Variants in PXMP2 observed in about 807,000 individuals in gnomAD.
PXMP2 encodes 22 kDa peroxisomal membrane protein.
A neutral mutation model predicts 20.2 loss-of-function variants in PXMP2; 13 were observed. That is an observed-to-expected ratio of 0.64 (90% CI 0.42 to 1.02). PXMP2 has a LOEUF of 1.02. Ranked by LOEUF, PXMP2 falls within the 50% of genes least tolerant of loss-of-function variation. The pLI, the probability that PXMP2 is intolerant of heterozygous loss-of-function variation, is 0.00. For synonymous variants in PXMP2, 113 were observed against 111.2 expected (o/e 1.02, Z -0.10); for missense variants, 284 against 251.8 (o/e 1.13, Z -0.87).
At chr12:132,699,717 C>T in intron 3 of PXMP2, among the ~76,000 whole-genome samples, 1 of 151,798 alleles carries the variant, frequency 6.6e-6, no homozygotes, top group Non-Finnish European at 1.5e-5. Context: ...TTTTTTATAG[C>T]AGAGTAGTGT....
rs1340930098 is a variant in PXMP2, at chr12:132,704,629, T to G, written c.530T>G (p.Leu177Arg). 1 of 1,457,598 alleles carries G rather than the reference T, an allele frequency of 6.9e-7. No individual in the cohort carries two copies. Among genetic ancestry groups the G allele is most frequent in the East Asian group, 2.6e-5 (1 of 38,446 alleles). 90.3% of individuals were successfully genotyped at this position (1,457,598 alleles called of 1,614,324 possible). ...TGTTCTTTTCGGCAGTTCCGGGTGCTCTTCGCCAACCTGGCAGCTCTGTTC... is the reference window on the plus strand; with the variant it reads ...TGTTCTTTTCGGCAGTTCCGGGTGCGCTTCGCCAACCTGGCAGCTCTGTTC... ...INYVPLKFRV[L>R]FANLAALFWY... The change falls in exon 5 of 5, where the codon CTC (leucine) becomes CGC (arginine). Residue 177 changes from leucine to arginine, a missense_variant. By Grantham distance (102) the Leu-to-Arg change is moderately radical. Coordinates refer to ENST00000317479, the MANE Select transcript of PXMP2 (RefSeq NM_018663.3).
chr12:132,701,130 C>T lies in PXMP2; in HGVS notation c.400-120C>T, dbSNP rs113822946. The stretch of plus-strand genomic sequence containing the variant: ...GCTGAGTACACATGTGTGCTGTCTG[C>T]GTACACACAGAACAAAATCCAATAG... On this transcript the variant is annotated intron_variant, in intron 3 of 4. Transcript: ENST00000317479. The T allele has an allele frequency of 2.6e-3, 3,621 of 1,371,434 alleles. 85 individuals carry two copies. In the African/African-American group the frequency reaches 0.044, roughly 17 times the overall value. 85.0% of individuals were successfully genotyped at this position (1,371,434 alleles called of 1,614,324 possible).
chr12:132,694,437 TAGTTAGTGAGCTCCCTTAGCC>T (rs1166976928), intron 2 of PXMP2, among the ~76,000 whole-genome samples: 1 of 92,244 alleles, frequency 1.1e-5, no homozygotes, highest in Admixed American at 1.0e-4. Flanking sequence ...CTTAGCCAGT[TAGTTAGTGAGCTCCCTTAGCC>T]AGTTAGTGAG....
chr12:132,687,707 G>T lies in PXMP2; in HGVS notation c.37G>T (p.Gly13Trp). The change falls in exon 1 of 5, where the codon GGG becomes TGG. Residue 13 changes from glycine (G) to tryptophan (W), a missense_variant. By Grantham distance (184) the Gly-to-Trp change is radical. Coordinates refer to ENST00000317479, the MANE Select transcript of PXMP2 (RefSeq NM_018663.3). ...PAASRLRAEA[G>W]LGALPRRALA... is the part of the protein sequence containing the mutation. ...CGCGTCCAGGCTGCGGGCCGAAGCC[G>T]GGCTCGGGGCGCTGCCGCGGCGGGC... The T allele has an allele frequency of 8.4e-7, 1 of 1,197,084 alleles. No individual in the cohort carries two copies. The highest frequency in any genetic ancestry group is 1.0e-6 in the Non-Finnish European group (1 of 967,442). The allele number at this position is 1,197,084 out of a possible 1,614,324, so 74.2% of individuals were successfully genotyped here.
intron 3 of PXMP2, among the ~76,000 whole-genome samples, chr12:132,697,794 T>G: frequency 6.6e-6 from 1 of 152,000 alleles, no homozygotes. Flanking sequence ...CACAAGAAGT[T>G]TGAGACCCCT....
At chr12:132,703,033 C>T (rs578144955) in intron 4 of PXMP2, among the ~76,000 whole-genome samples, 90 of 152,348 alleles carry the variant, frequency 5.9e-4, no homozygotes, top group African/African-American at 1.8e-3. Context: ...TTGGCTTTAA[C>T]AGTGGCCCTT....
At position 132,704,924 on chromosome 12, in the gene PXMP2, A is replaced by C. The variant is rs2043462978; in HGVS notation, c.*237A>C. 1.8e-6 allele frequency: 1 copy of C among 556,246 alleles called. No individual in the cohort carries two copies. The highest frequency in any genetic ancestry group is 1.9e-5 in the African/African-American group (1 of 52,370). 34.5% of individuals were successfully genotyped at this position (556,246 alleles called of 1,614,324 possible). A position where few individuals can be genotyped will look rare whatever the true frequency, so the allele number is the denominator to read the frequency against. On this transcript the variant is annotated 3_prime_UTR_variant, in exon 5 of 5. Coordinates refer to ENST00000317479, the MANE Select transcript of PXMP2 (RefSeq NM_018663.3). ...CAGAAACTTAAAATTTAGTCGAGGCAGTTTCAATTGTTACTGTGGACCGAA... is the reference window on the plus strand; with the variant it reads ...CAGAAACTTAAAATTTAGTCGAGGCCGTTTCAATTGTTACTGTGGACCGAA...
In PXMP2 at chr12:132,704,762, A is replaced by T; in HGVS notation, c.*75A>T. 1 of 1,404,772 alleles carries T rather than the reference A, an allele frequency of 7.1e-7. No individual in the cohort carries two copies. The highest frequency in any genetic ancestry group is 1.0e-6 in the Non-Finnish European group (1 of 994,766). 87.0% of individuals were successfully genotyped at this position (1,404,772 alleles called of 1,614,324 possible). A position where few individuals can be genotyped will look rare whatever the true frequency, so the allele number is the denominator to read the frequency against. On this transcript the variant is annotated 3_prime_UTR_variant, in exon 5 of 5. Transcript: ENST00000317479. Reference sequence around the variant, plus strand: ...TCACCCGCCCAGCGAGAGCAGAACCAATCCAGTCAGGATGTCACTGACTCT... The same window carrying T: ...TCACCCGCCCAGCGAGAGCAGAACCTATCCAGTCAGGATGTCACTGACTCT...
In PXMP2 at chr12:132,696,111, T is replaced by G. The variant is rs2043408961; in HGVS notation, c.399+65T>G. ...AGCACAGGGATTCTTCACCTGACAT[T>G]CTCGGCAGAATTCAGAGGGTCTGCA... On this transcript the variant is annotated intron_variant, in intron 3 of 4. Transcript: ENST00000317479. This position sits in a 1 kb window ranked among gnomAD's most constrained non-coding sequence, Gnocchi z 4.4. The G allele has an allele frequency of 1.4e-6, 2 of 1,468,772 alleles. No homozygotes were observed. The highest frequency in any genetic ancestry group is 4.7e-5 in the Admixed American group (2 of 42,876). The allele number at this position is 1,468,772 out of a possible 1,614,324, so 91.0% of individuals were successfully genotyped here. A position where few individuals can be genotyped will look rare whatever the true frequency, so the allele number is the denominator to read the frequency against.
chr12:132,697,237 A>G (rs957783855), intron 3 of PXMP2, among the ~76,000 whole-genome samples: 4 of 151,954 alleles, frequency 2.6e-5, no homozygotes, highest in Non-Finnish European at 5.9e-5. Context: ...GTGAGCAGAG[A>G]TCACACCACT....
At chr12:132,699,688 C>T (rs1194047573) in intron 3 of PXMP2, among the ~76,000 whole-genome samples, 2 of 151,932 alleles carry the variant, frequency 1.3e-5, no homozygotes, top group East Asian at 3.9e-4. Context: ...AGCCACCGTG[C>T]GCGGCCGAGT....
At position 132,693,577 on chromosome 12, in the gene PXMP2, C is replaced by CAGTTAGTGAGCGCCCTTGCCAGTT. The variant is rs1555232106; in HGVS notation, c.237-2283_237-2260dup. 8.5e-4 allele frequency among the ~76,000 whole-genome samples: 61 copies of CAGTTAGTGAGCGCCCTTGCCAGTT among 71,646 alleles called. 6 individuals are homozygous for CAGTTAGTGAGCGCCCTTGCCAGTT. The highest frequency in any genetic ancestry group is 2.9e-3 in the African/African-American group (58 of 20,046). 47.0% of individuals were successfully genotyped at this position (71,646 alleles called of 152,430 possible). Reference sequence around the variant, plus strand: ...TCAGTTAGTTAGTGAGCGCCCTTGCCAGTTAGTGAGCGCCCTTGCCAGTTA... The same window carrying CAGTTAGTGAGCGCCCTTGCCAGTT: ...TCAGTTAGTTAGTGAGCGCCCTTGCCAGTTAGTGAGCGCCCTTGCCAGTTAGTTAGTGAGCGCCCTTGCCAGTTA... On this transcript the variant is annotated intron_variant, in intron 2 of 4. Transcript: ENST00000317479.
At chr12:132,690,519 C>G (rs1161895505) in intron 2 of PXMP2, 143 bp downstream of exon 2, 12 of 645,878 alleles carry the variant, frequency 1.9e-5, no homozygotes, top group African/African-American at 3.7e-5. Flanking sequence ...GGAAAAAACT[C>G]GAATGGTTCA....
chr12:132,697,131 A>T (rs77464681), intron 3 of PXMP2, among the ~76,000 whole-genome samples: 1 of 152,030 alleles, frequency 6.6e-6, no homozygotes, highest in Non-Finnish European at 1.5e-5. Flanking sequence ...CTCAAAAAGT[A>T]AAAAATGAGC....
intron 4 of PXMP2, among the ~76,000 whole-genome samples, chr12:132,704,129 G>A (rs955194884): frequency 1.3e-5 from 2 of 152,222 alleles, no homozygotes; most frequent in African/African-American, 4.8e-5. Context: ...CCACGTGCCA[G>A]GGAGAGACTC....
Position 132,696,939 on chromosome 12 carries a change from C to T in PXMP2, c.399+893C>T, listed in dbSNP as rs1593107504. Among the ~76,000 whole-genome samples the T allele has an allele frequency of 1.3e-5, 2 of 151,798 alleles. No homozygotes were observed. Among genetic ancestry groups the T allele is most frequent in the East Asian group, 2.0e-4 (1 of 5,120 alleles). On this transcript the variant is annotated intron_variant, in intron 3 of 4. Coordinates refer to ENST00000317479, the MANE Select transcript of PXMP2 (RefSeq NM_018663.3). The surrounding 1 kb of genome is among the most constrained non-coding windows in gnomAD (Gnocchi z 4.4). The stretch of plus-strand genomic sequence containing the variant: ...GTGGTGAGCTGAGATTGTGCCACTG[C>T]ACTCCAGTCTGGGCAACAGAGCAAG...
At chr12:132,703,305 G>A (rs1394725724) in intron 4 of PXMP2, among the ~76,000 whole-genome samples, 6 of 152,172 alleles carry the variant, frequency 3.9e-5, no homozygotes. Context: ...TTGAGAGAAG[G>A]TGAGAAGTGA....
intron 2 of PXMP2, among the ~76,000 whole-genome samples, chr12:132,692,308 A>G (rs370242858): frequency 2.0e-3 from 161 of 80,224 alleles, no homozygotes; most frequent in African/African-American, 4.8e-3. Flanking sequence ...TTGCCAGTTA[A>G]TTAGTGAGCT....
At chr12:132,689,818 G>A (rs1398144441) in intron 1 of PXMP2, among the ~76,000 whole-genome samples, 1 of 152,180 alleles carries the variant, frequency 6.6e-6, no homozygotes, top group African/African-American at 2.4e-5. Context: ...ATCGACCAGG[G>A]CATTGCGTGG....
Sources: allele counts gnomAD v4.1 joint callset (sites outside exome capture counted in the v4.1 genomes callset), GRCh38; gene constraint gnomAD v4.1.1; non-coding constraint Gnocchi (gnomAD v3.1); transcripts MANE v1.5; gene names NCBI Gene and HGNC (gene_info 2026-07-23, HGNC 2026-07-21).